Variants in GRIA1 observed in about 807,000 individuals in gnomAD.
GRIA1 encodes glutamate receptor 1.
In GRIA1, 31 loss-of-function variants were observed where a neutral mutation model predicts 99.2. The observed-to-expected ratio is 0.31, with a 90% CI of 0.23 to 0.42. The LOEUF is 0.42. GRIA1 is among the 10% of genes least tolerant of loss of function. GRIA1 has a pLI of 1.00. For synonymous variants in GRIA1, 438 were observed against 432.4 expected, an observed-to-expected ratio of 1.01 and a Z score of -0.16; for missense variants, 782 against 1,157.5, an observed-to-expected ratio of 0.68 and a Z score of 4.71.
At chr5:153,585,943 GGTGGTGAGGAGGGGGAGT>G (rs1050107505) in intron 2 of GRIA1, among the ~76,000 whole-genome samples, 8 of 152,036 alleles carry the variant, frequency 5.3e-5, no homozygotes, top group East Asian at 1.9e-4. Context: ...CTGATGGGGT[GGTGGTGAGGAGGGGGAGT>G]GTGGTGAGGA....
rs771059423 is a variant in GRIA1, at chr5:153,646,979, G to A, written c.272G>A (p.Arg91His). The change falls in exon 3 of 16, where the codon CGT (arginine) becomes CAT (histidine). Residue 91 changes from arginine (R) to histidine (H), a missense_variant. This residue lies in a region of GRIA1 where 461 missense variants were observed against 521.7 expected (regional missense o/e 0.88). Transcript: ENST00000285900. ...GVYAIFGFYE[R>H]RTVNMLTSFC... Reference sequence around the variant, plus strand: ...TATGCCATCTTTGGGTTTTATGAACGTAGGACTGTCAACATGCTGACCTCC... The same window carrying A: ...TATGCCATCTTTGGGTTTTATGAACATAGGACTGTCAACATGCTGACCTCC... 43 of 1,613,696 alleles carry A rather than the reference G, an allele frequency of 2.7e-5. No individual in the cohort carries two copies. Among genetic ancestry groups the A allele is most frequent in the Non-Finnish European group, 3.4e-5 (40 of 1,179,826 alleles).
Position 153,811,840 on chromosome 5 carries a change from G to A in GRIA1, c.*615G>A, listed in dbSNP as rs1392282178. On this transcript the variant is annotated 3_prime_UTR_variant, in exon 16 of 16. Transcript: ENST00000285900. The stretch of plus-strand genomic sequence containing the variant: ...GATGGAGATAGACATTGTTGGAGAA[G>A]TGGGCTGCCTTCCCCAAGTGGGGCA... 1 of 153,166 alleles carries A rather than the reference G, an allele frequency of 6.5e-6. No homozygotes were observed. The highest frequency in any genetic ancestry group is 1.5e-5 in the Non-Finnish European group (1 of 68,828). 9.5% of individuals were successfully genotyped at this position (153,166 alleles called of 1,614,324 possible).
intron 2 of GRIA1, among the ~76,000 whole-genome samples, chr5:153,561,618 A>T (rs1581232521): frequency 6.6e-6 from 1 of 152,216 alleles, no homozygotes; most frequent in South Asian, 2.1e-4. Context: ...AATGGGGGAA[A>T]AAAAGCTTTT....
chr5:153,531,935 T>C (rs1758131434), intron 2 of GRIA1, among the ~76,000 whole-genome samples: 1 of 152,120 alleles, frequency 6.6e-6, no homozygotes, highest in African/African-American at 2.4e-5. Context: ...AGTGAGTAAG[T>C]GGTAGGGTCC....
chr5:153,776,408 T>C (rs1312839664), intron 13 of GRIA1, among the ~76,000 whole-genome samples: 1 of 151,970 alleles, frequency 6.6e-6, no homozygotes, highest in Non-Finnish European at 1.5e-5. Flanking sequence ...AAATACGGGA[T>C]TTACCTCCCA....
intron 2 of GRIA1, among the ~76,000 whole-genome samples, chr5:153,546,388 CT>C (rs1325011177): frequency 6.6e-6 from 1 of 152,102 alleles, no homozygotes; most frequent in African/African-American, 2.4e-5. Flanking sequence ...TTTGGAAGTG[CT>C]TTGTTACCTT....
At chr5:153,724,421 G>A (rs1405713505) in intron 11 of GRIA1, among the ~76,000 whole-genome samples, 1 of 152,136 alleles carries the variant, frequency 6.6e-6, no homozygotes, top group Non-Finnish European at 1.5e-5. Context: ...AGTTGAGAGA[G>A]GAAGGCTTCA....
Position 153,621,507 on chromosome 5 carries a change from G to C in GRIA1, c.221-25421G>C, listed in dbSNP as rs371109778. On this transcript the variant is annotated intron_variant, in intron 2 of 15. Transcript: ENST00000285900. ...ATGAAAGCAGCTGAAACTCAGAACT[G>C]ACCCTTACATCAGAAACCATGTGGT... 5.9e-5 allele frequency among the ~76,000 whole-genome samples: 9 copies of C among 152,228 alleles called. No homozygotes were observed. In the South Asian group the frequency reaches 1.9e-3, roughly 32 times the overall value.
intron 2 of GRIA1, among the ~76,000 whole-genome samples, chr5:153,546,998 C>A (rs1228743780): frequency 1.3e-5 from 2 of 152,162 alleles, no homozygotes; most frequent in Non-Finnish European, 2.9e-5. Context: ...TGAATAAATG[C>A]ATCAGTATGT....
chr5:153,695,318 C>T (rs1758017845), intron 8 of GRIA1, among the ~76,000 whole-genome samples: 1 of 152,130 alleles, frequency 6.6e-6, no homozygotes, highest in Admixed American at 6.6e-5. Flanking sequence ...AATATACTAC[C>T]AGAGTGCTTT....
At chr5:153,609,140 C>A (rs1039476673) in intron 2 of GRIA1, among the ~76,000 whole-genome samples, 1 of 152,192 alleles carries the variant, frequency 6.6e-6, no homozygotes, top group East Asian at 1.9e-4. Context: ...CTTAAATGAG[C>A]TTCCTCTTAG....
At chr5:153,516,113 A>T (rs1756603712) in intron 2 of GRIA1, among the ~76,000 whole-genome samples, 1 of 152,108 alleles carries the variant, frequency 6.6e-6, no homozygotes, top group Non-Finnish European at 1.5e-5. Context: ...CCAGCTGCTC[A>T]GAAGGCTAAG....
chr5:153,561,084 A>C (rs754596), intron 2 of GRIA1, among the ~76,000 whole-genome samples: 14,698 of 152,170 alleles, frequency 0.097, 784 homozygotes, highest in South Asian at 0.19. Flanking sequence ...GGAGTAAAGG[A>C]TTCTCAGTGG....
chr5:153,547,469 C>T (rs1389290), intron 2 of GRIA1, among the ~76,000 whole-genome samples: 150,860 of 152,312 alleles, frequency 0.99, 74,731 homozygotes, highest in East Asian at 1. Flanking sequence ...GCTACATTGC[C>T]ACAGTAATCA....
chr5:153,518,620 A>G (rs1294593621), intron 2 of GRIA1, among the ~76,000 whole-genome samples: 3 of 152,230 alleles, frequency 2.0e-5, no homozygotes, highest in Non-Finnish European at 4.4e-5. Context: ...ATTATTAATC[A>G]TGTGTATACA....
chr5:153,782,258 C>T (rs1209106720), intron 13 of GRIA1, among the ~76,000 whole-genome samples: 2 of 152,170 alleles, frequency 1.3e-5, no homozygotes, highest in Non-Finnish European at 2.9e-5. Context: ...GTTCACACAG[C>T]GAGTAAGTGG....
At chr5:153,591,867 A>C (rs1486970868) in intron 2 of GRIA1, among the ~76,000 whole-genome samples, 1 of 152,260 alleles carries the variant, frequency 6.6e-6, no homozygotes, top group Non-Finnish European at 1.5e-5. Flanking sequence ...ACATGAAAGC[A>C]AAAGTCCAAA....
chr5:153,722,285 G>A lies in GRIA1; in HGVS notation c.1823+16218G>A, dbSNP rs192209579. 8.1e-4 allele frequency among the ~76,000 whole-genome samples: 122 copies of A among 149,970 alleles called. 1 individual carries two copies. In the East Asian group the frequency reaches 0.017, roughly 21 times the overall value. On this transcript the variant is annotated intron_variant, in intron 11 of 15. Transcript: ENST00000285900. ...TGTGGCTTATCTTTTCACTGTCTTG[G>A]CAGTGTGTCATGTTGAACAGAAATA...
chr5:153,585,965 G>T (rs1015101297), intron 2 of GRIA1, among the ~76,000 whole-genome samples: 1 of 152,044 alleles, frequency 6.6e-6, no homozygotes, highest in African/African-American at 2.4e-5. Context: ...GGGGAGTGTG[G>T]TGAGGAGGGG....
Sources: allele counts gnomAD v4.1 joint callset (sites outside exome capture counted in the v4.1 genomes callset), GRCh38; gene constraint gnomAD v4.1.1; regional missense constraint gnomAD v4.1.1; transcripts MANE v1.5; gene names NCBI Gene and HGNC (gene_info 2026-07-23, HGNC 2026-07-21).